IL16: variants seen among roughly 807,000 people sequenced by gnomAD.
IL16 encodes the protein interleukin 16.
In IL16, 67 loss-of-function variants were observed where a neutral mutation model predicts 110.1. The observed-to-expected ratio is 0.61, with a 90% CI of 0.50 to 0.75. The LOEUF (loss-of-function observed/expected upper bound fraction) is 0.75. IL16 is among the 30% of genes least tolerant of loss of function. IL16 has a pLI of 0.00. For missense variants in IL16, 1,545 were observed against 1,655.0 expected (o/e 0.93, Z 1.15); for synonymous variants, 689 against 662.9 (o/e 1.04, Z -0.61).
chr15:81,252,512 T>C (rs533873396), intron 2 of IL16, among the ~76,000 whole-genome samples: 1 of 152,332 alleles, frequency 6.6e-6, no homozygotes, highest in African/African-American at 2.4e-5. Flanking sequence ...AATTAAACCA[T>C]TTAAAGTGTA....
intron 2 of IL16, among the ~76,000 whole-genome samples, chr15:81,248,259 A>G (rs1259216334): frequency 6.6e-6 from 1 of 152,032 alleles, no homozygotes; most frequent in Non-Finnish European, 1.5e-5. Flanking sequence ...CTATCTGTCT[A>G]TGTCTGTATC....
rs746283070 is a variant in IL16 at position 81,313,383 on chromosome 15, A to G, written c.*4585A>G. Reference sequence around the variant, plus strand: ...GAGGTCGGTATGGAAGAATGTGACCAGGTTGGTCTTGGTGGGTTCCCTGTG... The same window carrying G: ...GAGGTCGGTATGGAAGAATGTGACCGGGTTGGTCTTGGTGGGTTCCCTGTG... On this transcript the variant is annotated 3_prime_UTR_variant, in exon 19 of 19. Transcript: ENST00000683961. The G allele has an allele frequency of 1.9e-6, 3 of 1,564,722 alleles. No homozygotes were observed. Among genetic ancestry groups the G allele is most frequent in the Non-Finnish European group, 2.6e-6 (3 of 1,154,036 alleles).
At chr15:81,267,201 A>G (rs1331670507) in intron 4 of IL16, among the ~76,000 whole-genome samples, 1 of 152,170 alleles carries the variant, frequency 6.6e-6, no homozygotes, top group African/African-American at 2.4e-5. Flanking sequence ...GTCCTTGGGA[A>G]CAGGAGGCCT....
At chr15:81,296,392 G>C (rs1377654298) in intron 12 of IL16, among the ~76,000 whole-genome samples, 2 of 152,246 alleles carry the variant, frequency 1.3e-5, no homozygotes, top group Non-Finnish European at 2.9e-5. Context: ...AGGTGCCACA[G>C]AGGGGAGCAA....
chr15:81,303,341 C>A lies in IL16; in HGVS notation c.3319-208C>A. ...GAAAATAATTATGCTTGCTGCTTTA[C>A]ATACATTTTTTTTTTCTTCTAAGCT... On this transcript the variant is annotated intron_variant, in intron 15 of 18. Transcript: ENST00000683961. The surrounding 1 kb of genome is among the most constrained non-coding windows in gnomAD (Gnocchi z 4.1). 1.8e-6 allele frequency: 1 copy of A among 555,728 alleles called. No individual in the cohort carries two copies. The highest frequency in any genetic ancestry group is 2.2e-5 in the South Asian group (1 of 45,712). The allele number at this position is 555,728 out of a possible 1,614,324, so 34.4% of individuals were successfully genotyped here. A position where few individuals can be genotyped will look rare whatever the true frequency, so the allele number is the denominator to read the frequency against.
chr15:81,232,751 A>T (rs1595975471), intron 2 of IL16, among the ~76,000 whole-genome samples: 1 of 152,142 alleles, frequency 6.6e-6, no homozygotes, highest in Admixed American at 6.5e-5. Context: ...ATAACTCTGG[A>T]TTTGATATGC....
At chr15:81,258,153 GAAATA>G (rs1225462610) in intron 2 of IL16, among the ~76,000 whole-genome samples, 3 of 152,124 alleles carry the variant, frequency 2.0e-5, no homozygotes, top group African/African-American at 7.2e-5. Context: ...TTCAGGAAGA[GAAATA>G]AAGTAATTAA....
chr15:81,182,766 C>G lies in IL16; in HGVS notation c.-91C>G, dbSNP rs142504029. The G allele has an allele frequency of 1.9e-3, 1,386 of 712,858 alleles. 3 individuals carry two copies. The highest frequency in any genetic ancestry group is 6.8e-3 in the Middle Eastern group (24 of 3,554). 44.2% of individuals were successfully genotyped at this position (712,858 alleles called of 1,614,324 possible). A position where few individuals can be genotyped will look rare whatever the true frequency, so the allele number is the denominator to read the frequency against. On this transcript the variant is annotated 5_prime_UTR_variant, in exon 1 of 19. Transcript: ENST00000302987. Reference sequence around the variant, plus strand: ...TAACTCATATTCAAATACTCCCAGCCGAGAAGCTGCCATCGATCCTCCCAT... The same window carrying G: ...TAACTCATATTCAAATACTCCCAGCGGAGAAGCTGCCATCGATCCTCCCAT...
intron 8 of IL16, among the ~76,000 whole-genome samples, chr15:81,280,437 C>T (rs1057241486): frequency 2.0e-5 from 3 of 152,156 alleles, no homozygotes; most frequent in African/African-American, 4.8e-5. Flanking sequence ...CTTTGCAGCT[C>T]GATTCTCTTC....
chr15:81,203,082 T>A (rs1413909465), intron 1 of IL16, among the ~76,000 whole-genome samples: 1 of 152,126 alleles, frequency 6.6e-6, no homozygotes, highest in Non-Finnish European at 1.5e-5. Context: ...CCAGTGATGA[T>A]GAGCACTTTT....
At chr15:81,300,643 G>A (rs936374889) in intron 14 of IL16, among the ~76,000 whole-genome samples, 168 bp downstream of exon 14, 1 of 152,116 alleles carries the variant, frequency 6.6e-6, no homozygotes, top group Non-Finnish European at 1.5e-5. Flanking sequence ...GAGTGTGTGT[G>A]TGTCTGTCTG....
intron 17 of IL16, 39 bp downstream of exon 17, chr15:81,306,205 A>G (rs1228647862): frequency 6.3e-7 from 1 of 1,598,938 alleles, no homozygotes. Flanking sequence ...CATGGGCCAC[A>G]TCCTCTTTGG....
At chr15:81,220,119 C>T (rs997514768) in intron 1 of IL16, among the ~76,000 whole-genome samples, 8 of 152,076 alleles carry the variant, frequency 5.3e-5, no homozygotes, top group African/African-American at 1.9e-4. Flanking sequence ...AGCTGCAGAT[C>T]CAATGGAATC....
chr15:81,266,997 G>A (rs1414810852), intron 4 of IL16, among the ~76,000 whole-genome samples: 3 of 152,180 alleles, frequency 2.0e-5, no homozygotes, highest in African/African-American at 7.2e-5. Flanking sequence ...GTTAGAAGAA[G>A]GTGGCTTCCC....
chr15:81,204,950 A>G (rs187197170), intron 1 of IL16, among the ~76,000 whole-genome samples: 7 of 152,212 alleles, frequency 4.6e-5, no homozygotes, highest in African/African-American at 1.7e-4. Context: ...TTGACAGGCC[A>G]CAAAACAAGA....
At chr15:81,226,533 G>T (rs1896793308) in intron 2 of IL16, among the ~76,000 whole-genome samples, 1 of 152,208 alleles carries the variant, frequency 6.6e-6, no homozygotes, top group Admixed American at 6.5e-5. Flanking sequence ...GCCAGTCTAT[G>T]CATTTAAATA....
chr15:81,233,321 C>T (rs1309205128), intron 2 of IL16, among the ~76,000 whole-genome samples: 2 of 152,036 alleles, frequency 1.3e-5, no homozygotes, highest in Non-Finnish European at 2.9e-5. Flanking sequence ...TGATGCAAAC[C>T]ATTAACGTTA....
intron 6 of IL16, 35 bp from the exon 7 acceptor site, chr15:81,278,782 C>T: frequency 7.0e-7 from 1 of 1,427,904 alleles, no homozygotes; most frequent in Non-Finnish European, 9.9e-7. Context: ...GATTGGGCAA[C>T]ACTCTTCTTA....
At position 81,270,256 on chromosome 15, in the gene IL16, G is replaced by A. The variant is rs964295783; in HGVS notation, c.675+608G>A. ...TGGTGGTGATGGTGAGATAGGGGGC[G>A]TACACAGGTTTGCACTGCTCCCAGA... On this transcript the variant is annotated intron_variant, in intron 5 of 18. Coordinates refer to ENST00000683961, the MANE Select transcript of IL16 (RefSeq NM_172217.5). 4.6e-5 allele frequency among the ~76,000 whole-genome samples: 7 copies of A among 152,320 alleles called. No individual in the cohort carries two copies. The East Asian group carries it at 5.8e-4, about 13-fold the overall frequency.
Sources: allele counts gnomAD v4.1 joint callset (sites outside exome capture counted in the v4.1 genomes callset), GRCh38; gene constraint gnomAD v4.1.1; non-coding constraint Gnocchi (gnomAD v3.1); transcripts MANE v1.5; gene names NCBI Gene and HGNC (gene_info 2026-07-23, HGNC 2026-07-21).